ITPR1: variants seen among roughly 807,000 people sequenced by gnomAD.
ITPR1 encodes inositol 1,4,5-trisphosphate receptor type 1.
Under a neutral mutation model 318.4 loss-of-function variants are expected in ITPR1, and 96 were observed. The ratio of observed to expected loss-of-function variants is 0.30; its 90% CI spans 0.26 to 0.36. The LOEUF is 0.36. ITPR1 is among the 10% of genes least tolerant of loss of function. The pLI is 1.00. For missense variants in ITPR1, 2,440 were observed against 3,460.2 expected, an observed-to-expected ratio of 0.71 and a Z score of 7.40; for synonymous variants, 1,312 against 1,289.9, an observed-to-expected ratio of 1.02 and a Z score of -0.37.
chr3:4,539,833 G>A (rs988694500), intron 4 of ITPR1, among the ~76,000 whole-genome samples: 5 of 152,122 alleles, frequency 3.3e-5, no homozygotes. Flanking sequence ...GGACTCTTTA[G>A]AGAGTCCTTA....
chr3:4,609,001 T>TAAAA (rs56738231), intron 4 of ITPR1, among the ~76,000 whole-genome samples: 42 of 53,450 alleles, frequency 7.9e-4, no homozygotes, highest in African/African-American at 2.3e-3. Context: ...ACTCCGTCTT[T>TAAAA]AAAAAAAAAA....
chr3:4,686,629 C>T (rs1006291080), intron 30 of ITPR1, among the ~76,000 whole-genome samples: 11 of 152,158 alleles, frequency 7.2e-5, no homozygotes, highest in Non-Finnish European at 1.5e-4. Flanking sequence ...GTGTGTATAT[C>T]TGTGTGTGTA....
chr3:4,630,537 T>TG (rs1480437077), intron 5 of ITPR1, among the ~76,000 whole-genome samples: 1 of 147,140 alleles, frequency 6.8e-6, no homozygotes, highest in Non-Finnish European at 1.5e-5. Flanking sequence ...TTAAAGTTTT[T>TG]TTTTTACTAT....
intron 6 of ITPR1, among the ~76,000 whole-genome samples, chr3:4,641,248 C>G (rs1213248243): frequency 6.6e-6 from 1 of 152,192 alleles, no homozygotes; most frequent in African/African-American, 2.4e-5. Flanking sequence ...CACGTTATAT[C>G]CCCTCTAGGT....
At chr3:4,567,985 G>GT (rs910549681) in intron 4 of ITPR1, among the ~76,000 whole-genome samples, 51 of 47,304 alleles carry the variant, frequency 1.1e-3, no homozygotes, top group African/African-American at 2.8e-3. Flanking sequence ...TAAGGTGAGA[G>GT]TGCTGCTCAG....
chr3:4,545,037 C>G (rs762119477), intron 4 of ITPR1, among the ~76,000 whole-genome samples: 2 of 152,068 alleles, frequency 1.3e-5, no homozygotes, highest in Non-Finnish European at 2.9e-5. Context: ...CTCTAGCAAT[C>G]CTTCCGCCTC....
At chr3:4,642,485 A>G (rs958213249) in intron 7 of ITPR1, among the ~76,000 whole-genome samples, 7 of 152,232 alleles carry the variant, frequency 4.6e-5, no homozygotes, top group Non-Finnish European at 1.0e-4. Context: ...TTGTATGAAC[A>G]GCCCATTGCG....
chr3:4,729,446 T>G (rs1269558192), intron 42 of ITPR1, among the ~76,000 whole-genome samples: 1 of 152,238 alleles, frequency 6.6e-6, no homozygotes, highest in Non-Finnish European at 1.5e-5. Context: ...TCATGCCGAC[T>G]AAGGTGTGAG....
intron 7 of ITPR1, 28 bp from the exon 8 acceptor site, chr3:4,644,108 A>G (rs1222623774): frequency 1.3e-6 from 2 of 1,497,884 alleles, no homozygotes; most frequent in African/African-American, 1.4e-5. Context: ...AGTTTTGTGC[A>G]AAGCTCTATT....
At chr3:4,824,705 G>A (rs545346105) in intron 60 of ITPR1, among the ~76,000 whole-genome samples, 6 of 152,054 alleles carry the variant, frequency 3.9e-5, no homozygotes, top group Admixed American at 2.6e-4. Flanking sequence ...AGGATCTCCC[G>A]GGGATACTGA....
intron 4 of ITPR1, among the ~76,000 whole-genome samples, chr3:4,533,407 G>A (rs1303226450): frequency 2.0e-5 from 3 of 152,092 alleles, no homozygotes; most frequent in Non-Finnish European, 4.4e-5. Context: ...CATTTAACCT[G>A]TCTATGCCTT....
rs143143071 is a variant in ITPR1, at chr3:4,755,316, C to G, written c.5545-11214C>G. ...AGGGCAGAGCTTTCCCAGTAAGTCCCAGTTCCCGTGGGCACTGGGAGACAG... is the reference window on the plus strand; with the variant it reads ...AGGGCAGAGCTTTCCCAGTAAGTCCGAGTTCCCGTGGGCACTGGGAGACAG... On this transcript the variant is annotated intron_variant, in intron 44 of 61. Coordinates refer to ENST00000649015, the MANE Select transcript of ITPR1 (RefSeq NM_001378452.1). 4.3e-3 allele frequency among the ~76,000 whole-genome samples: 657 copies of G among 152,094 alleles called. 2 individuals are homozygous for G. The highest frequency in any genetic ancestry group is 7.2e-3 in the Non-Finnish European group (492 of 68,004).
intron 60 of ITPR1, among the ~76,000 whole-genome samples, chr3:4,834,453 C>T (rs1376669873): frequency 6.6e-6 from 1 of 152,112 alleles, no homozygotes; most frequent in African/African-American, 2.4e-5. Flanking sequence ...CGTGAGTATC[C>T]AGGGCCTCGT....
Position 4,710,814 on chromosome 3 carries a change from G to A in ITPR1, c.4991+341G>A, listed in dbSNP as rs909522419. On this transcript the variant is annotated intron_variant, in intron 38 of 61. Coordinates refer to ENST00000649015, the MANE Select transcript of ITPR1 (RefSeq NM_001378452.1). This position sits in a 1 kb window ranked among gnomAD's most constrained non-coding sequence, Gnocchi z 4.2. ...AGCCCTCAGAAATCTCAGATCTATC[G>A]TGACCTCACCATCTTTTCCTAATAA... is the stretch of plus-strand genomic sequence containing the variant. 1.3e-5 allele frequency among the ~76,000 whole-genome samples: 2 copies of A among 152,124 alleles called. No homozygotes were observed. The highest frequency in any genetic ancestry group is 2.4e-5 in the African/African-American group (1 of 41,418).
chr3:4,728,674 T>C (rs977531199), intron 42 of ITPR1, among the ~76,000 whole-genome samples: 4 of 152,232 alleles, frequency 2.6e-5, no homozygotes, highest in African/African-American at 9.6e-5. Flanking sequence ...TGCTATGAAA[T>C]AGCAGGTCTT....
intron 4 of ITPR1, among the ~76,000 whole-genome samples, chr3:4,561,764 G>A (rs1029187164): frequency 4.0e-5 from 6 of 151,880 alleles, no homozygotes; most frequent in Non-Finnish European, 8.8e-5. Flanking sequence ...TTAATTTAAC[G>A]TGGGTTAAAA....
chr3:4,658,352 C>G, intron 13 of ITPR1, 74 bp downstream of exon 13: 1 of 1,242,450 alleles, frequency 8.0e-7, no homozygotes, highest in South Asian at 1.5e-5. Context: ...TCTTGGAATC[C>G]AAATCGTTAC....
chr3:4,758,462 G>A (rs1233777987), intron 44 of ITPR1, among the ~76,000 whole-genome samples: 1 of 152,196 alleles, frequency 6.6e-6, no homozygotes, highest in Non-Finnish European at 1.5e-5. Flanking sequence ...ATGGTCTGGT[G>A]GCCCAGAAAC....
At chr3:4,835,150 A>T (rs532661095) in intron 60 of ITPR1, among the ~76,000 whole-genome samples, 1 of 143,290 alleles carries the variant, frequency 7.0e-6, no homozygotes, top group African/African-American at 2.6e-5. Context: ...CAAACACTCT[A>T]TGACACCTTG....
Sources: allele counts gnomAD v4.1 joint callset (sites outside exome capture counted in the v4.1 genomes callset), GRCh38; gene constraint gnomAD v4.1.1; non-coding constraint Gnocchi (gnomAD v3.1); transcripts MANE v1.5; gene names NCBI Gene and HGNC (gene_info 2026-07-23, HGNC 2026-07-21).